Variants in TOM1L2 observed in about 807,000 individuals in gnomAD.
TOM1L2 encodes target of myb1 like 2 membrane trafficking protein.
In TOM1L2, 31 loss-of-function variants were observed where a neutral mutation model predicts 67.9. The ratio of observed to expected loss-of-function variants is 0.46; its 90% confidence interval spans 0.34 to 0.62. The LOEUF (loss-of-function observed/expected upper bound fraction) is 0.62, where lower values mean the gene tolerates loss of function less well. Among genes scored for constraint, TOM1L2 ranks in the 20% least tolerant of loss-of-function variants. TOM1L2 has a pLI of 0.01. For missense variants in TOM1L2, 606 were observed against 663.5 expected, an observed-to-expected ratio of 0.91 and a Z score of 0.95; for synonymous variants, 256 against 254.0, an observed-to-expected ratio of 1.01 and a Z score of -0.07.
intron 1 of TOM1L2, among the ~76,000 whole-genome samples, chr17:17,955,994 A>T (rs1171736463): frequency 1.3e-5 from 2 of 152,212 alleles, no homozygotes; most frequent in Non-Finnish European, 2.9e-5. Flanking sequence ...CAGCCTCAAG[A>T]GAAAAACTGC....
chr17:17,869,428 G>A lies in TOM1L2; in HGVS notation c.823C>T (p.Leu275Phe), dbSNP rs1053760343. 2.5e-5 allele frequency: 41 copies of A among 1,613,246 alleles called. No individual in the cohort carries two copies. Among genetic ancestry groups the A allele is most frequent in the Non-Finnish European group, 3.5e-5 (41 of 1,179,948 alleles). The change falls in exon 8 of 15, where the codon CTC becomes TTC. Residue 275 changes from leucine to phenylalanine, a missense_variant. Physicochemically the swap from Leu to Phe is conservative, Grantham distance 22. This residue lies in a region of TOM1L2 where 543 missense variants were observed against 554.0 expected (regional missense o/e 0.98). Transcript: ENST00000379504. Reference protein sequence around the residue: ...CRAMQQRIVELISRVSNEEVT... With the variant: ...CRAMQQRIVEFISRVSNEEVT... ...TCCTCATTGGACACGCGGGAGATGA[G>A]CTCCACGATGCGCTGCTGCATGGCC...
chr17:17,920,573 C>T (rs910665062), intron 1 of TOM1L2, among the ~76,000 whole-genome samples: 1 of 150,362 alleles, frequency 6.7e-6, no homozygotes, highest in Non-Finnish European at 1.5e-5. Flanking sequence ...CTCCTGACCT[C>T]GTGATCCACC....
intron 12 of TOM1L2, among the ~76,000 whole-genome samples, chr17:17,860,856 T>C (rs887448739): frequency 1.1e-4 from 16 of 152,144 alleles, no homozygotes; most frequent in Admixed American, 9.8e-4. Context: ...TACCATTCCC[T>C]CCACTTCACT....
intron 1 of TOM1L2, among the ~76,000 whole-genome samples, chr17:17,956,238 T>G (rs1426344333): frequency 6.6e-6 from 1 of 152,198 alleles, no homozygotes; most frequent in Non-Finnish European, 1.5e-5. Context: ...GGGTGCTGAT[T>G]GGTGCGTTTA....
Position 17,862,835 on chromosome 17 carries a change from C to T in TOM1L2, c.1098G>A (p.Glu366=). The change falls in exon 11 of 15, where the codon GAG becomes GAA. Residue 366 remains glutamate (E), a synonymous_variant. Coordinates refer to ENST00000379504, the MANE Select transcript of TOM1L2 (RefSeq NM_001082968.2). Reference sequence around the variant, plus strand: ...GTGAACTGAGGGTGCCACTGACGCTCTCTGTCCCCAAGTCTGTGGCAACAA... The same window carrying T: ...GTGAACTGAGGGTGCCACTGACGCTTTCTGTCCCCAAGTCTGTGGCAACAA... ...SQLAGLDLGT[E]SVSGTLSSLQ... 6.2e-7 allele frequency: 1 copy of T among 1,614,082 alleles called. No homozygotes were observed. Among genetic ancestry groups the T allele is most frequent in the Non-Finnish European group, 8.5e-7 (1 of 1,179,942 alleles).
chr17:17,965,325 A>G (rs1489323157), intron 1 of TOM1L2, among the ~76,000 whole-genome samples: 1 of 152,020 alleles, frequency 6.6e-6, no homozygotes, highest in Non-Finnish European at 1.5e-5. Context: ...CTCCCTTCCC[A>G]GTCTCACCCC....
rs56758399 is a variant in TOM1L2, at chr17:17,906,105, T to C, written c.137+1342A>G. On this transcript the variant is annotated intron_variant, in intron 2 of 14. Coordinates refer to ENST00000379504, the MANE Select transcript of TOM1L2 (RefSeq NM_001082968.2). ...TTCAATGTCACCTTCTAAATGAGAC[T>C]TTTCTGTTGTTTTGTCTTCTCTTTT... Among the ~76,000 whole-genome samples the C allele has an allele frequency of 4.5e-3, 672 of 149,752 alleles. 8 individuals carry two copies. Among genetic ancestry groups the C allele is most frequent in the African/African-American group, 0.016 (642 of 40,402 alleles).
intron 7 of TOM1L2, among the ~76,000 whole-genome samples, chr17:17,871,288 G>A (rs141353505): frequency 0.012 from 1,803 of 152,168 alleles, 27 homozygotes; most frequent in East Asian, 0.039. Context: ...GGAGAATGGC[G>A]TGAACCCAGG....
At chr17:17,956,282 T>C (rs1271707633) in intron 1 of TOM1L2, among the ~76,000 whole-genome samples, 1 of 152,156 alleles carries the variant, frequency 6.6e-6, no homozygotes, top group Non-Finnish European at 1.5e-5. Flanking sequence ...ATTCTCCAAG[T>C]CCCCACCAGA....
intron 2 of TOM1L2, among the ~76,000 whole-genome samples, chr17:17,905,433 C>G (rs1276741297): frequency 1.3e-5 from 2 of 152,244 alleles, no homozygotes; most frequent in Non-Finnish European, 2.9e-5. Flanking sequence ...TGTCTTATGT[C>G]AGCCAATTCC....
intron 8 of TOM1L2, among the ~76,000 whole-genome samples, chr17:17,868,449 A>C (rs531197441): frequency 6.6e-6 from 1 of 152,318 alleles, no homozygotes; most frequent in South Asian, 2.1e-4. Context: ...TGAATCCAGC[A>C]GTAGGTTGTG....
chr17:17,907,611 C>T lies in TOM1L2; in HGVS notation c.53-80G>A, dbSNP rs2039157009. 8 of 1,236,376 alleles carry T rather than the reference C, an allele frequency of 6.5e-6. No homozygotes were observed. The East Asian group carries it at 1.7e-4, about 26-fold the overall frequency. The allele number at this position is 1,236,376 out of a possible 1,614,324, so 76.6% of individuals were successfully genotyped here. ...GGCAGGAAATGGGAAGAGACCAGAA[C>T]CACCACATTCTTCTCCCAAGCAGAT... is the stretch of plus-strand genomic sequence containing the variant. On this transcript the variant is annotated intron_variant, in intron 1 of 14. Transcript: ENST00000379504.
rs1250959300 is a variant in TOM1L2 at position 17,906,205 on chromosome 17, T to TGG, written c.137+1241_137+1242insCC. Among the ~76,000 whole-genome samples, 15 of 151,752 alleles carry TGG rather than the reference T, an allele frequency of 9.9e-5. No homozygotes were observed. The South Asian group carries it at 3.1e-3, about 32-fold the overall frequency. ...GTACAGTGGCATGCTCATGGCTCAC[T>TGG]GCAGCCTCGACCTCCTGGGCTCAAG... On this transcript the variant is annotated intron_variant, in intron 2 of 14. Transcript: ENST00000379504.
Position 17,932,792 on chromosome 17 carries a change from C to T in TOM1L2, c.53-25261G>A, listed in dbSNP as rs532824695. Reference sequence around the variant, plus strand: ...AATGGTTCTCCCATTTTATTGTGCACCCGAATCATCTGTAGAGTTTGTTAA... The same window carrying T: ...AATGGTTCTCCCATTTTATTGTGCATCCGAATCATCTGTAGAGTTTGTTAA... On this transcript the variant is annotated intron_variant, in intron 1 of 14. Coordinates refer to ENST00000379504, the MANE Select transcript of TOM1L2 (RefSeq NM_001082968.2). 6.6e-5 allele frequency among the ~76,000 whole-genome samples: 10 copies of T among 152,236 alleles called. No homozygotes were observed. In the South Asian group the frequency reaches 2.1e-3, roughly 32 times the overall value.
chr17:17,867,101 C>A (rs1183583777), intron 8 of TOM1L2, among the ~76,000 whole-genome samples, 177 bp from the exon 9 acceptor site: 1 of 152,094 alleles, frequency 6.6e-6, no homozygotes, highest in East Asian at 1.9e-4. Flanking sequence ...TGGGGCTCCC[C>A]CTGAGAGGAT....
At chr17:17,860,973 C>T (rs956721944) in intron 12 of TOM1L2, among the ~76,000 whole-genome samples, 2 of 152,240 alleles carry the variant, frequency 1.3e-5, no homozygotes, top group African/African-American at 4.8e-5. Flanking sequence ...GGGGTTGGTA[C>T]TGCTCTGCTA....
intron 1 of TOM1L2, among the ~76,000 whole-genome samples, chr17:17,936,559 A>T (rs1307623176): frequency 6.6e-6 from 1 of 152,204 alleles, no homozygotes; most frequent in African/African-American, 2.4e-5. Context: ...CATTAATTAT[A>T]ATAGCAAGGA....
chr17:17,895,792 C>T (rs772749418), intron 3 of TOM1L2, among the ~76,000 whole-genome samples: 9 of 152,176 alleles, frequency 5.9e-5, no homozygotes, highest in Non-Finnish European at 1.3e-4. Flanking sequence ...ATTGTTCCCC[C>T]CTTTGGTCCT....
Position 17,893,593 on chromosome 17 carries a change from T to C in TOM1L2, c.366+68A>G. 3 of 1,421,640 alleles carry C rather than the reference T, an allele frequency of 2.1e-6. 1 individual carries two copies. Among genetic ancestry groups the C allele is most frequent in the South Asian group, 2.6e-5 (2 of 76,618 alleles). 88.1% of individuals were successfully genotyped at this position (1,421,640 alleles called of 1,614,324 possible). A position where few individuals can be genotyped will look rare whatever the true frequency, so the allele number is the denominator to read the frequency against. On this transcript the variant is annotated intron_variant, in intron 4 of 14. Coordinates refer to ENST00000379504, the MANE Select transcript of TOM1L2 (RefSeq NM_001082968.2). ...TTTTCCTCCAAATGGTGGGAGAGCA[T>C]GAGGACTCATCAATAAGAGACTTCA...
Sources: allele counts gnomAD v4.1 joint callset (sites outside exome capture counted in the v4.1 genomes callset), GRCh38; gene constraint gnomAD v4.1.1; regional missense constraint gnomAD v4.1.1; transcripts MANE v1.5; gene names NCBI Gene and HGNC (gene_info 2026-07-23, HGNC 2026-07-21).